Variants in MFSD6 observed in about 807,000 individuals in gnomAD.
MFSD6 encodes the protein major facilitator superfamily domain-containing protein 6.
Under a neutral mutation model 56.3 loss-of-function variants are expected in MFSD6, and 26 were observed. That is an observed-to-expected ratio of 0.46 (90% CI 0.34 to 0.64). The LOEUF is 0.64. Among genes scored for constraint, MFSD6 ranks in the 30% least tolerant of loss-of-function variants. The pLI is 0.01. For synonymous variants in MFSD6, 331 were observed against 366.9 expected (o/e 0.90, Z 1.12); for missense variants, 750 against 986.2 (o/e 0.76, Z 3.21).
At chr2:190,453,514 C>T (rs907014885) in intron 3 of MFSD6, among the ~76,000 whole-genome samples, 2 of 152,190 alleles carry the variant, frequency 1.3e-5, no homozygotes, top group African/African-American at 4.8e-5. Flanking sequence ...AACTCTTCAT[C>T]AAAGAAGGAA....
rs755625619 is a variant in MFSD6 at position 190,437,578 on chromosome 2, G to A, written c.1532+17G>A. On this transcript the variant is annotated intron_variant, in intron 3 of 7. Transcript: ENST00000392328. The surrounding 1 kb of genome is among the most constrained non-coding windows in gnomAD (Gnocchi z 5.9). ...CCACATCAGGTAAGAACATGCTTAC[G>A]ATTGCTGCCCCTCAGCAATTGAACT... The A allele has an allele frequency of 5.6e-6, 9 of 1,601,168 alleles. No homozygotes were observed. The African/African-American group carries it at 6.7e-5, about 12-fold the overall frequency.
intron 3 of MFSD6, among the ~76,000 whole-genome samples, chr2:190,455,253 TTATTAC>T (rs201038149): frequency 0.013 from 1,893 of 150,746 alleles, 35 homozygotes; most frequent in African/African-American, 0.043. Context: ...ATGACTTTCA[TTATTAC>T]TATTAAGTTA....
At chr2:190,444,058 A>G (rs1179124114) in intron 3 of MFSD6, among the ~76,000 whole-genome samples, 1 of 152,212 alleles carries the variant, frequency 6.6e-6, no homozygotes, top group African/African-American at 2.4e-5. Context: ...CTGTTTCAAA[A>G]AAGAAAAGGA....
chr2:190,476,768 A>G (rs1011084646), intron 4 of MFSD6, among the ~76,000 whole-genome samples: 17 of 152,138 alleles, frequency 1.1e-4, no homozygotes, highest in African/African-American at 2.7e-4. Flanking sequence ...TGTTTATTGC[A>G]GCACTATTCA....
At chr2:190,420,998 C>A (rs1176743158) in intron 2 of MFSD6, among the ~76,000 whole-genome samples, 1 of 152,196 alleles carries the variant, frequency 6.6e-6, no homozygotes, top group East Asian at 1.9e-4. Context: ...TACTTAACAT[C>A]TGGACTTATG....
chr2:190,473,923 G>A (rs1033189917), intron 4 of MFSD6, among the ~76,000 whole-genome samples: 2 of 152,152 alleles, frequency 1.3e-5, no homozygotes, highest in African/African-American at 4.8e-5. Flanking sequence ...ACTCAAAACT[G>A]CTCAAGTACA....
chr2:190,438,102 A>G lies in MFSD6; in HGVS notation c.1532+541A>G, dbSNP rs1686238183. Among the ~76,000 whole-genome samples, 2 of 152,126 alleles carry G rather than the reference A, an allele frequency of 1.3e-5. No individual in the cohort carries two copies. Among genetic ancestry groups the G allele is most frequent in the Non-Finnish European group, 1.5e-5 (1 of 68,026 alleles). ...TGATATTACATGGATGAGGTTCTTA[A>G]GTATTTTTTTTGGGTTATTACATGA... On this transcript the variant is annotated intron_variant, in intron 3 of 7. Transcript: ENST00000392328. This position sits in a 1 kb window ranked among gnomAD's most constrained non-coding sequence, Gnocchi z 5.2.
rs1291268946 is a variant in MFSD6, at chr2:190,465,362, T to A, written c.1533-4396T>A. Among the ~76,000 whole-genome samples, 1 of 152,220 alleles carries A rather than the reference T, an allele frequency of 6.6e-6. No homozygotes were observed. The highest frequency in any genetic ancestry group is 1.5e-5 in the Non-Finnish European group (1 of 68,050). ...GACTTCCTGTTCTGAAATAGGACAG[T>A]CATGCTGTTTTTGAGTTTTATCATT... On this transcript the variant is annotated intron_variant, in intron 3 of 7. Transcript: ENST00000392328. This position sits in a 1 kb window ranked among gnomAD's most constrained non-coding sequence, Gnocchi z 4.6.
In MFSD6 at chr2:190,495,082, A is replaced by T. The variant is rs75455521; in HGVS notation, c.1892-2357A>T. 0.017 allele frequency among the ~76,000 whole-genome samples: 2,658 copies of T among 152,296 alleles called. 75 individuals carry two copies. Among genetic ancestry groups the T allele is most frequent in the African/African-American group, 0.06 (2,504 of 41,546 alleles). On this transcript the variant is annotated intron_variant, in intron 6 of 7. Coordinates refer to ENST00000392328, the MANE Select transcript of MFSD6 (RefSeq NM_017694.4). This position sits in a 1 kb window ranked among gnomAD's most constrained non-coding sequence, Gnocchi z 4.7. The stretch of plus-strand genomic sequence containing the variant: ...ACTGTCGCTGTTTGCTGATGATAAG[A>T]TTGTATACCTAGAAAACCCTAAAGA...
Position 190,499,839 on chromosome 2 carries a change from T to C in MFSD6, c.2173-176T>C, listed in dbSNP as rs1219859661. On this transcript the variant is annotated intron_variant, in intron 7 of 7. Transcript: ENST00000392328. The surrounding 1 kb of genome is among the most constrained non-coding windows in gnomAD (Gnocchi z 6.0). ...TTCATGCGGCTCTGGCAGTTGCACA[T>C]AGGAAAGGAGATGAAAGGTAAGACA... 5 of 1,544,332 alleles carry C rather than the reference T, an allele frequency of 3.2e-6. No homozygotes were observed. The highest frequency in any genetic ancestry group is 4.4e-6 in the Non-Finnish European group (5 of 1,143,172).
At chr2:190,493,500 T>C (rs1171033900) in intron 6 of MFSD6, among the ~76,000 whole-genome samples, 1 of 152,048 alleles carries the variant, frequency 6.6e-6, no homozygotes, top group Non-Finnish European at 1.5e-5. Context: ...AAAGAAACAA[T>C]GGATTTAAAC....
Position 190,469,720 on chromosome 2 carries a change from T to A in MFSD6, c.1533-38T>A, listed in dbSNP as rs1336311278. The A allele has an allele frequency of 8.4e-7, 1 of 1,187,128 alleles. No homozygotes were observed. The highest frequency in any genetic ancestry group is 1.1e-6 in the Non-Finnish European group (1 of 909,924). 73.5% of individuals were successfully genotyped at this position (1,187,128 alleles called of 1,614,324 possible). ...AGGGACTCAGTTTATTTTCCTTTGC[T>A]TTTTTTTATTTTATTTTTATTTTTT... On this transcript the variant is annotated intron_variant, in intron 3 of 7. Transcript: ENST00000392328. This position sits in a 1 kb window ranked among gnomAD's most constrained non-coding sequence, Gnocchi z 5.3.
rs554360552 is a variant in MFSD6, at chr2:190,452,293, A to G, written c.1532+14732A>G. Among the ~76,000 whole-genome samples, 6 of 152,306 alleles carry G rather than the reference A, an allele frequency of 3.9e-5. No individual in the cohort carries two copies. In the South Asian group the frequency reaches 1.2e-3, roughly 32 times the overall value. On this transcript the variant is annotated intron_variant, in intron 3 of 7. Coordinates refer to ENST00000392328, the MANE Select transcript of MFSD6 (RefSeq NM_017694.4). ...ATAACACAACAACAACAACAATAAC[A>G]AAACTCTAATCTTAACAAAAATTAT...
Position 190,454,842 on chromosome 2 carries a change from C to T in MFSD6, c.1533-14916C>T, listed in dbSNP as rs941669964. On this transcript the variant is annotated intron_variant, in intron 3 of 7. Coordinates refer to ENST00000392328, the MANE Select transcript of MFSD6 (RefSeq NM_017694.4). The surrounding 1 kb of genome is among the most constrained non-coding windows in gnomAD (Gnocchi z 4.6). ...AGTCAGAAGACACTAGAATAGGGAC[C>T]TATGGCCTAACATAGTGGGATGATG... 2.6e-5 allele frequency among the ~76,000 whole-genome samples: 4 copies of T among 152,010 alleles called. No homozygotes were observed. The highest frequency in any genetic ancestry group is 3.9e-4 in the East Asian group (2 of 5,180).
intron 4 of MFSD6, among the ~76,000 whole-genome samples, chr2:190,481,751 G>C (rs1688680372): frequency 2.0e-5 from 3 of 152,144 alleles, no homozygotes; most frequent in Admixed American, 2.0e-4. Context: ...TACATCAATA[G>C]GTGTGGGAAT....
In MFSD6 at chr2:190,497,960, C is replaced by G. The variant is rs909992080; in HGVS notation, c.2172+241C>G. On this transcript the variant is annotated intron_variant, in intron 7 of 7. Coordinates refer to ENST00000392328, the MANE Select transcript of MFSD6 (RefSeq NM_017694.4). The surrounding 1 kb of genome is among the most constrained non-coding windows in gnomAD (Gnocchi z 5.2). ...AAAACTTCAGAGGTTATGATTCTTT[C>G]ACTTCTTGAAAGAAATAAAATAAAT... 8.1e-6 allele frequency: 3 copies of G among 368,218 alleles called. No homozygotes were observed. Among genetic ancestry groups the G allele is most frequent in the African/African-American group, 6.1e-5 (3 of 48,806 alleles). 22.8% of individuals were successfully genotyped at this position (368,218 alleles called of 1,614,324 possible). A position where few individuals can be genotyped will look rare whatever the true frequency, so the allele number is the denominator to read the frequency against.
In MFSD6 at chr2:190,454,513, G is replaced by A. The variant is rs140252377; in HGVS notation, c.1533-15245G>A. On this transcript the variant is annotated intron_variant, in intron 3 of 7. Transcript: ENST00000392328. The surrounding 1 kb of genome is among the most constrained non-coding windows in gnomAD (Gnocchi z 4.6). The stretch of plus-strand genomic sequence containing the variant: ...CATGCTAGAGAGCTTGCTTGTGTAC[G>A]ACTCTTTTTCTCTTTCTTTACCCTT... The A allele has an allele frequency of 0.014, 2,085 of 152,192 alleles. 22 individuals are homozygous for A. Among genetic ancestry groups the A allele is most frequent in the Middle Eastern group, 0.034 (10 of 294 alleles). The allele number at this position is 152,192 out of a possible 1,614,324, so 9.4% of individuals were successfully genotyped here.
intron 2 of MFSD6, among the ~76,000 whole-genome samples, chr2:190,420,223 G>A (rs954672339): frequency 6.6e-6 from 1 of 151,830 alleles, no homozygotes. Context: ...TATAGACAGG[G>A]TTGCTTGAAC....
rs992537773 is a variant in MFSD6 at position 190,499,792 on chromosome 2, T to C, written c.2173-223T>C. 2 of 1,508,760 alleles carry C rather than the reference T, an allele frequency of 1.3e-6. No individual in the cohort carries two copies. The highest frequency in any genetic ancestry group is 4.0e-5 in the Admixed American group (2 of 49,624). The allele number at this position is 1,508,760 out of a possible 1,614,324, so 93.5% of individuals were successfully genotyped here. ...AATGTTCCTTTTTCCACAAGACACG[T>C]CTGCTTATAGTGTTTGTGTTTTTCA... On this transcript the variant is annotated intron_variant, in intron 7 of 7. Coordinates refer to ENST00000392328, the MANE Select transcript of MFSD6 (RefSeq NM_017694.4). This position sits in a 1 kb window ranked among gnomAD's most constrained non-coding sequence, Gnocchi z 6.0.
Sources: gnomAD v4.1 joint callset for allele counts (sites outside exome capture counted in the v4.1 genomes callset) on GRCh38, gnomAD v4.1.1 for gene constraint, Gnocchi (gnomAD v3.1) non-coding constraint, MANE v1.5 for transcripts, NCBI Gene and HGNC (gene_info 2026-07-23, HGNC 2026-07-21) for gene names.